SRGAP3: variants seen among roughly 807,000 people sequenced by gnomAD.
SRGAP3 encodes the protein SLIT-ROBO Rho GTPase activating protein 3.
A neutral mutation model predicts 121.1 loss-of-function variants in SRGAP3; 39 were observed. That is an observed-to-expected ratio of 0.32 (90% CI 0.25 to 0.42). The LOEUF (loss-of-function observed/expected upper bound fraction) is 0.42. Ranked by LOEUF, SRGAP3 falls within the 10% of genes least tolerant of loss-of-function variation. The pLI, the probability that SRGAP3 is intolerant of heterozygous loss-of-function variation, is 1.00. For synonymous variants in SRGAP3, 601 were observed against 570.0 expected, an observed-to-expected ratio of 1.05 and a Z score of -0.77; for missense variants, 1,213 against 1,470.6, an observed-to-expected ratio of 0.82 and a Z score of 2.86.
chr3:9,267,723 T>C (rs1954393637), intron 3 of SRGAP3, among the ~76,000 whole-genome samples: 1 of 152,198 alleles, frequency 6.6e-6, no homozygotes, highest in Admixed American at 6.5e-5. Flanking sequence ...TGGGGAAGTC[T>C]TTGTGTTATA....
intron 9 of SRGAP3, 149 bp downstream of exon 9, chr3:9,052,878 G>T (rs1478522689): frequency 2.0e-5 from 19 of 940,706 alleles, no homozygotes; most frequent in Non-Finnish European, 2.8e-5. Context: ...ACCAAGCCAG[G>T]CAACTTAATT....
At chr3:9,348,748 T>C in intron 1 of SRGAP3, 1 of 1,334,718 alleles carries the variant, frequency 7.5e-7, no homozygotes. Context: ...AAGCAGAAAC[T>C]GCTGCAAAGC....
At chr3:9,046,099 C>T (rs1001114882) in intron 10 of SRGAP3, among the ~76,000 whole-genome samples, 12 of 152,154 alleles carry the variant, frequency 7.9e-5, no homozygotes, top group African/African-American at 2.9e-4. Context: ...CTCACTGCAA[C>T]TGAGTCTTCC....
intron 3 of SRGAP3, among the ~76,000 whole-genome samples, chr3:9,264,354 T>C (rs1179072202): frequency 6.6e-6 from 1 of 152,140 alleles, no homozygotes; most frequent in Non-Finnish European, 1.5e-5. Flanking sequence ...AAACATAGTA[T>C]TGGAAAATCT....
At chr3:9,029,288 G>T (rs1432429164) in intron 12 of SRGAP3, among the ~76,000 whole-genome samples, 1 of 152,186 alleles carries the variant, frequency 6.6e-6, no homozygotes, top group Non-Finnish European at 1.5e-5. Context: ...GTAGGTAATT[G>T]TCATGCTTAT....
intron 1 of SRGAP3, among the ~76,000 whole-genome samples, chr3:9,152,899 A>G (rs1950261255): frequency 6.6e-6 from 1 of 152,156 alleles, no homozygotes; most frequent in African/African-American, 2.4e-5. Context: ...TCCAAGTCCC[A>G]CAGTGCCCCG....
At chr3:9,165,679 C>T (rs1481835981) in intron 1 of SRGAP3, among the ~76,000 whole-genome samples, 1 of 152,176 alleles carries the variant, frequency 6.6e-6, no homozygotes, top group African/African-American at 2.4e-5. Flanking sequence ...CAATCCTCCT[C>T]CTCCTTGCCA....
At chr3:9,055,363 G>A (rs1336006711) in intron 8 of SRGAP3, among the ~76,000 whole-genome samples, 1 of 152,168 alleles carries the variant, frequency 6.6e-6, no homozygotes, top group Admixed American at 6.5e-5. Context: ...CCATGACCTC[G>A]AGTGTCACTC....
At chr3:9,080,288 C>A (rs1195793094) in intron 3 of SRGAP3, among the ~76,000 whole-genome samples, 2 of 152,192 alleles carry the variant, frequency 1.3e-5, no homozygotes, top group African/African-American at 4.8e-5. Context: ...AGGTTCCTTG[C>A]AGATGGGATT....
intron 1 of SRGAP3, among the ~76,000 whole-genome samples, chr3:9,220,827 A>AC (rs1396532592): frequency 2.0e-5 from 3 of 152,202 alleles, no homozygotes; most frequent in Non-Finnish European, 4.4e-5. Context: ...AGCAAATGGG[A>AC]CACACACAGG....
chr3:9,249,250 AAAT>A lies in SRGAP3; in HGVS notation c.-302_-300del, dbSNP rs976354273. 1.2e-5 allele frequency: 6 copies of A among 493,546 alleles called. No individual in the cohort carries two copies. Among genetic ancestry groups the A allele is most frequent in the Non-Finnish European group, 1.5e-5 (4 of 270,098 alleles). 30.6% of individuals were successfully genotyped at this position (493,546 alleles called of 1,614,324 possible). On this transcript the variant is annotated 5_prime_UTR_variant, in exon 1 of 22. Coordinates refer to ENST00000383836, the MANE Select transcript of SRGAP3 (RefSeq NM_014850.4). The stretch of plus-strand genomic sequence containing the variant: ...AGATTTTCAAAGATTTTTCTTCCAA[AAAT>A]AATAATAATAGTAATAACCAAGCGC...
chr3:9,019,855 T>C (rs532160106), intron 14 of SRGAP3, among the ~76,000 whole-genome samples: 20 of 152,252 alleles, frequency 1.3e-4, no homozygotes, highest in African/African-American at 4.8e-4. Flanking sequence ...CAGACACAGG[T>C]ATCAAATAGG....
In SRGAP3 at chr3:9,246,334, GT is replaced by G. The variant is rs979675029; in HGVS notation, c.67+2550del. Among the ~76,000 whole-genome samples, 48 of 152,274 alleles carry G rather than the reference GT, an allele frequency of 3.2e-4. 1 individual carries two copies. The highest frequency in any genetic ancestry group is 1.1e-3 in the African/African-American group (45 of 41,554). On this transcript the variant is annotated intron_variant, in intron 1 of 21. Transcript: ENST00000383836. ...AGAAAGGTAATTGGCCTCGGGCACT[GT>G]TTTTGGTGACTGGTCAAATGTTCTT... is the stretch of plus-strand genomic sequence containing the variant.
At chr3:9,064,876 TAAATA>T (rs1049037635) in intron 4 of SRGAP3, among the ~76,000 whole-genome samples, 4 of 151,096 alleles carry the variant, frequency 2.6e-5, no homozygotes, top group Non-Finnish European at 5.9e-5. Flanking sequence ...AATAAATAAA[TAAATA>T]AATAAATAAG....
At chr3:8,990,384 A>C (rs1574855768) in intron 21 of SRGAP3, 128 bp downstream of exon 21, 20 of 1,228,510 alleles carry the variant, frequency 1.6e-5, no homozygotes, top group Non-Finnish European at 2.2e-5. Flanking sequence ...GAGGCCACTC[A>C]CTCTCCTGTT....
chr3:9,113,004 A>G (rs429182), intron 2 of SRGAP3, among the ~76,000 whole-genome samples: 55,137 of 152,128 alleles, frequency 0.36, 10,899 homozygotes, highest in African/African-American at 0.5. Context: ...AGAAATAAGC[A>G]TGAAGCCCTC....
intron 15 of SRGAP3, among the ~76,000 whole-genome samples, chr3:9,015,299 G>A (rs905109194): frequency 1.3e-5 from 2 of 151,986 alleles, no homozygotes; most frequent in South Asian, 2.1e-4. Flanking sequence ...AGGATCCCCC[G>A]TGCTCATTCC....
At chr3:9,146,960 C>G (rs186549344) in intron 1 of SRGAP3, among the ~76,000 whole-genome samples, 1 of 152,266 alleles carries the variant, frequency 6.6e-6, no homozygotes, top group African/African-American at 2.4e-5. Context: ...AATGGACCCC[C>G]TCCACGCACA....
intron 3 of SRGAP3, among the ~76,000 whole-genome samples, chr3:9,096,418 C>T (rs1345008250): frequency 6.6e-6 from 1 of 152,142 alleles, no homozygotes. Flanking sequence ...GTGGCTGGCA[C>T]ACAGAAGCAT....
Sources: gnomAD v4.1 joint callset for allele counts (sites outside exome capture counted in the v4.1 genomes callset) on GRCh38, gnomAD v4.1.1 for gene constraint, MANE v1.5 for transcripts, NCBI Gene and HGNC (gene_info 2026-07-23, HGNC 2026-07-21) for gene names.